RAB3GAP2: variants seen among roughly 807,000 people sequenced by gnomAD.
RAB3GAP2 encodes the protein rab3 GTPase-activating protein non-catalytic subunit.
Under a neutral mutation model 185.3 loss-of-function variants are expected in RAB3GAP2, and 87 were observed. The observed-to-expected ratio is 0.47, with a 90% CI of 0.39 to 0.56. The LOEUF (loss-of-function observed/expected upper bound fraction) is 0.56, where lower values mean the gene tolerates loss of function less well. Among genes scored for constraint, RAB3GAP2 ranks in the 20% least tolerant of loss-of-function variants. The pLI is 0.00. For synonymous variants in RAB3GAP2, 554 were observed against 576.1 expected (o/e 0.96, Z 0.55); for missense variants, 1,492 against 1,638.2 (o/e 0.91, Z 1.54).
intron 31 of RAB3GAP2, 113 bp from the exon 32 acceptor site, chr1:220,154,170 G>C: frequency 3.5e-6 from 5 of 1,420,180 alleles, no homozygotes; most frequent in Non-Finnish European, 4.7e-6. Flanking sequence ...ATTTCTCCTT[G>C]AACAGTAAGA....
chr1:220,159,774 C>T (rs755696978), intron 28 of RAB3GAP2, among the ~76,000 whole-genome samples: 9 of 151,878 alleles, frequency 5.9e-5, no homozygotes, highest in Non-Finnish European at 1.2e-4. Context: ...TCCTAGCACT[C>T]GGGAGGCCAA....
At chr1:220,195,760 C>T (rs1658712570) in intron 10 of RAB3GAP2, among the ~76,000 whole-genome samples, 1 of 152,178 alleles carries the variant, frequency 6.6e-6, no homozygotes, top group African/African-American at 2.4e-5. Flanking sequence ...TACACACACA[C>T]ATTTTTATAA....
intron 9 of RAB3GAP2, among the ~76,000 whole-genome samples, chr1:220,200,137 T>A (rs12404566): frequency 0.15 from 22,591 of 152,180 alleles, 2,136 homozygotes; most frequent in Admixed American, 0.23. Context: ...TTCTGTTTCT[T>A]GAACACTCTG....
intron 1 of RAB3GAP2, chr1:220,266,632 A>C: frequency 7.6e-7 from 1 of 1,308,616 alleles, no homozygotes. Context: ...ATGGTAAAAT[A>C]AATTTTGGTA....
chr1:220,213,730 G>A, intron 3 of RAB3GAP2, 126 bp downstream of exon 3: 1 of 851,462 alleles, frequency 1.2e-6, no homozygotes. Flanking sequence ...CGGAGGAGGA[G>A]TTGGGGGGGG....
chr1:220,210,009 A>G (rs1191054636), intron 7 of RAB3GAP2, among the ~76,000 whole-genome samples: 1 of 152,208 alleles, frequency 6.6e-6, no homozygotes, highest in African/African-American at 2.4e-5. Context: ...TATCACTAGT[A>G]ACAAGGCCAA....
intron 2 of RAB3GAP2, among the ~76,000 whole-genome samples, chr1:220,228,963 G>A (rs1659451605): frequency 6.6e-6 from 1 of 152,168 alleles, no homozygotes; most frequent in Non-Finnish European, 1.5e-5. Context: ...ATGAGTAGAA[G>A]CATCTTTCAG....
rs1411676876 is a variant in RAB3GAP2, at chr1:220,148,904, ATAATT to A, written c.*2342_*2346del. 2.0e-5 allele frequency: 3 copies of A among 152,206 alleles called. No homozygotes were observed. Among genetic ancestry groups the A allele is most frequent in the South Asian group, 2.1e-4 (1 of 4,832 alleles). 9.4% of individuals were successfully genotyped at this position (152,206 alleles called of 1,614,324 possible). ...TTGTTTTCCTTCAGCATTATACAAT[ATAATT>A]TAATAAGATACAAATGCATATTTAA... is the stretch of plus-strand genomic sequence containing the variant. On this transcript the variant is annotated 3_prime_UTR_variant, in exon 35 of 35. Transcript: ENST00000358951.
intron 12 of RAB3GAP2, among the ~76,000 whole-genome samples, chr1:220,194,077 T>G (rs141024541): frequency 6.6e-6 from 1 of 152,108 alleles, no homozygotes; most frequent in African/African-American, 2.4e-5. Context: ...ACTTAGAAGC[T>G]ATACTTCGAT....
intron 21 of RAB3GAP2, among the ~76,000 whole-genome samples, chr1:220,181,453 A>G (rs1658402598): frequency 6.6e-6 from 1 of 152,058 alleles, no homozygotes; most frequent in African/African-American, 2.4e-5. Flanking sequence ...AGATGGGGTA[A>G]CTTTCCTTGT....
At chr1:220,238,937 G>A (rs951134838) in intron 1 of RAB3GAP2, among the ~76,000 whole-genome samples, 2 of 152,128 alleles carry the variant, frequency 1.3e-5, no homozygotes, top group African/African-American at 4.8e-5. Flanking sequence ...CGTGTATCCT[G>A]TGTATGTGCA....
chr1:220,191,182 G>A lies in RAB3GAP2; in HGVS notation c.1373C>T (p.Pro458Leu). 6.2e-7 allele frequency: 1 copy of A among 1,613,876 alleles called. No individual in the cohort carries two copies. Among genetic ancestry groups the A allele is most frequent in the South Asian group, 1.1e-5 (1 of 91,080 alleles). ...DFSPFGNSQG[P>L]SRVAQFLVIY... ...CACAAGGAATTGAGCTACTCGACTT[G>A]GACCCTGAGAATTTCCAAAGGGGGA... The change falls in exon 14 of 35, where the codon CCA becomes CTA. Residue 458 changes from proline to leucine, a missense_variant. This residue lies in a region of RAB3GAP2 where 681 missense variants were observed against 689.1 expected (regional missense o/e 0.99). Coordinates refer to ENST00000358951, the MANE Select transcript of RAB3GAP2 (RefSeq NM_012414.4).
At chr1:220,228,684 C>T (rs1659446409) in intron 2 of RAB3GAP2, among the ~76,000 whole-genome samples, 1 of 152,128 alleles carries the variant, frequency 6.6e-6, no homozygotes, top group African/African-American at 2.4e-5. Flanking sequence ...TGCATTCTCC[C>T]TCACCATGTA....
chr1:220,216,249 T>A (rs1308475720), intron 2 of RAB3GAP2, among the ~76,000 whole-genome samples: 1 of 152,202 alleles, frequency 6.6e-6, no homozygotes, highest in South Asian at 2.1e-4. Flanking sequence ...AACATAACAT[T>A]GGCAAAATCT....
At chr1:220,234,567 AAGTCAATT>A (rs1036929632) in intron 1 of RAB3GAP2, among the ~76,000 whole-genome samples, 3 of 152,250 alleles carry the variant, frequency 2.0e-5, no homozygotes, top group Admixed American at 2.0e-4. Context: ...TTCCATATAC[AAGTCAATT>A]AGCAATTTAA....
At chr1:220,214,362 CTAA>C (rs915890625) in intron 2 of RAB3GAP2, among the ~76,000 whole-genome samples, 1 of 152,132 alleles carries the variant, frequency 6.6e-6, no homozygotes, top group Non-Finnish European at 1.5e-5. Context: ...CCCATCTCTA[CTAA>C]TAATACAAAA....
chr1:220,166,780 TACAGAAGTA>T (rs3835615), intron 26 of RAB3GAP2, among the ~76,000 whole-genome samples: 10,713 of 152,256 alleles, frequency 0.07, 498 homozygotes, highest in South Asian at 0.13. Context: ...TTCTGAGGCA[TACAGAAGTA>T]ACAGACAAAT....
chr1:220,272,151 A>G, intron 1 of RAB3GAP2, 72 bp downstream of exon 1: 1 of 1,267,854 alleles, frequency 7.9e-7, no homozygotes, highest in Non-Finnish European at 1.1e-6. Context: ...CAGAGCGAGT[A>G]GGAGACTCGA....
intron 1 of RAB3GAP2, among the ~76,000 whole-genome samples, chr1:220,242,036 A>C (rs925482003): frequency 6.6e-6 from 1 of 152,100 alleles, no homozygotes; most frequent in African/African-American, 2.4e-5. Flanking sequence ...CTACTCTACT[A>C]TTTGAGTACT....
Sources: gnomAD v4.1 joint callset for allele counts (sites outside exome capture counted in the v4.1 genomes callset) on GRCh38, gnomAD v4.1.1 for gene constraint, gnomAD v4.1.1 regional missense constraint, MANE v1.5 for transcripts, NCBI Gene and HGNC (gene_info 2026-07-23, HGNC 2026-07-21) for gene names.